The following GASK1A variants were observed in gnomAD, a reference collection of about 807,000 sequenced individuals.
GASK1A encodes Golgi-associated kinase 1A.
In GASK1A, 40 loss-of-function variants were observed where a neutral mutation model predicts 41.2. The ratio of observed to expected loss-of-function variants is 0.97; its 90% confidence interval spans 0.75 to 1.27. The LOEUF is 1.27. Ranked by LOEUF, GASK1A falls within the 50% of genes most tolerant of loss-of-function variation. The pLI, the probability that GASK1A is intolerant of heterozygous loss-of-function variation, is 0.00. For synonymous variants in GASK1A, 316 were observed against 307.1 expected (o/e 1.03, Z -0.30); for missense variants, 678 against 745.1 (o/e 0.91, Z 1.05).
intron 2 of GASK1A, among the ~76,000 whole-genome samples, chr3:43,043,964 G>A (rs1467707715): frequency 6.6e-6 from 1 of 152,206 alleles, no homozygotes; most frequent in Non-Finnish European, 1.5e-5. Flanking sequence ...ACTGGCAAGT[G>A]TGCCAGCCAA....
At chr3:43,039,204 G>GTTTTTTTTT (rs548862246) in intron 2 of GASK1A, among the ~76,000 whole-genome samples, 2 of 136,550 alleles carry the variant, frequency 1.5e-5, no homozygotes, top group Admixed American at 7.4e-5. Context: ...TTTTTTTTTT[G>GTTTTTTTTT]GTTTTTTTTT....
Position 43,056,326 on chromosome 3 carries a change from G to C in GASK1A, c.1668G>C (p.Gln556His), listed in dbSNP as rs1450574186. The change falls in exon 5 of 5, where the codon CAG (glutamine) becomes CAC (histidine). Residue 556 changes from glutamine to histidine, a missense_variant. Transcript: ENST00000430121. ...TCCAGACCCTGGAGCAGCGAGGACA[G>C]GTGCTGCTGGGACACATCCAAAAGC... ...QVLQTLEQRG[Q>H]VLLGHIQKHN... The C allele has an allele frequency of 1.9e-6, 3 of 1,551,462 alleles. No individual in the cohort carries two copies. The East Asian group carries it at 7.3e-5, about 38-fold the overall frequency.
At chr3:43,037,386 A>C (rs2089609788) in intron 2 of GASK1A, 3 of 962,994 alleles carry the variant, frequency 3.1e-6, no homozygotes, top group African/African-American at 3.2e-5. Flanking sequence ...AAATGCACTA[A>C]GTACAGACAG....
At chr3:43,055,362 C>T (rs1387960155) in intron 3 of GASK1A, 70 bp from the exon 4 acceptor site, 3 of 1,146,102 alleles carry the variant, frequency 2.6e-6, no homozygotes, top group Non-Finnish European at 3.8e-6. Context: ...TTAATCTTGA[C>T]CAAGTCCATA....
intron 1 of GASK1A, among the ~76,000 whole-genome samples, chr3:42,989,576 A>G (rs1294997828): frequency 6.6e-6 from 1 of 151,786 alleles, no homozygotes; most frequent in African/African-American, 2.4e-5. Context: ...TGTAAGAGCA[A>G]TACCTGTTTA....
chr3:42,993,647 T>G (rs745839308), intron 1 of GASK1A, among the ~76,000 whole-genome samples: 3 of 152,172 alleles, frequency 2.0e-5, no homozygotes, highest in Non-Finnish European at 4.4e-5. Flanking sequence ...TAGATATTCA[T>G]CAATGTGATC....
intron 1 of GASK1A, among the ~76,000 whole-genome samples, chr3:42,999,433 CT>C (rs2089396732): frequency 6.6e-6 from 1 of 152,210 alleles, no homozygotes; most frequent in South Asian, 2.1e-4. Context: ...GCCTGCCTCC[CT>C]GCTGTTTCTC....
At chr3:43,039,205 G>GTTTTTT (rs1329284553) in intron 2 of GASK1A, among the ~76,000 whole-genome samples, 2 of 125,762 alleles carry the variant, frequency 1.6e-5, no homozygotes, top group Non-Finnish European at 3.4e-5. Context: ...TTTTTTTTTG[G>GTTTTTT]TTTTTTTTTT....
At chr3:42,999,128 A>G (rs2089392957) in intron 1 of GASK1A, among the ~76,000 whole-genome samples, 1 of 151,738 alleles carries the variant, frequency 6.6e-6, no homozygotes, top group Non-Finnish European at 1.5e-5. Context: ...CCTTGTACTA[A>G]TGGGTTCCAA....
intron 3 of GASK1A, chr3:43,054,061 G>GA (rs1358282290): frequency 3.0e-6 from 1 of 333,136 alleles, no homozygotes; most frequent in Non-Finnish European, 5.9e-6. Flanking sequence ...ATGAACCCAA[G>GA]ACTGCAGTGG....
In GASK1A at chr3:42,979,617, G is replaced by A. The variant is rs1488467420; in HGVS notation, c.-26G>A. 4 of 1,242,758 alleles carry A rather than the reference G, an allele frequency of 3.2e-6. No homozygotes were observed. The African/African-American group carries it at 6.2e-5, about 19-fold the overall frequency. 77.0% of individuals were successfully genotyped at this position (1,242,758 alleles called of 1,614,324 possible). A position where few individuals can be genotyped will look rare whatever the true frequency, so the allele number is the denominator to read the frequency against. On this transcript the variant is annotated 5_prime_UTR_variant, in exon 1 of 5. Coordinates refer to ENST00000430121, the MANE Select transcript of GASK1A (RefSeq NM_001129908.3). The stretch of plus-strand genomic sequence containing the variant: ...CTGCGAGCCGGCTGAGCGCGCCGAG[G>A]AGCCGGCCGGGGCACCGCCGGGGAC...
chr3:43,020,314 T>C lies in GASK1A; in HGVS notation c.4-11953T>C, dbSNP rs543832712. On this transcript the variant is annotated intron_variant, in intron 1 of 4. Transcript: ENST00000430121. ...TCAAGCTGTCTCTGTGCAAAGTCCATTTGTATTCAACGTTTTCAGAAAAGT... is the reference window on the plus strand; with the variant it reads ...TCAAGCTGTCTCTGTGCAAAGTCCACTTGTATTCAACGTTTTCAGAAAAGT... 1.0e-3 allele frequency among the ~76,000 whole-genome samples: 158 copies of C among 152,344 alleles called. 1 individual carries two copies. The highest frequency in any genetic ancestry group is 6.8e-3 in the Middle Eastern group (2 of 294).
chr3:43,005,702 G>T (rs978434943), intron 1 of GASK1A, among the ~76,000 whole-genome samples: 1 of 152,118 alleles, frequency 6.6e-6, no homozygotes, highest in Non-Finnish European at 1.5e-5. Context: ...AAAAAAAATC[G>T]TAGGCTGGGG....
chr3:43,039,350 C>T (rs2089624071), intron 2 of GASK1A, among the ~76,000 whole-genome samples: 1 of 151,806 alleles, frequency 6.6e-6, no homozygotes. Context: ...TTACAGGCAC[C>T]CACCACCACA....
chr3:43,054,721 C>T (rs2089707908), intron 3 of GASK1A, among the ~76,000 whole-genome samples: 1 of 152,192 alleles, frequency 6.6e-6, no homozygotes, highest in African/African-American at 2.4e-5. Flanking sequence ...CCATTCGCAA[C>T]CACACCATAT....
intron 1 of GASK1A, among the ~76,000 whole-genome samples, chr3:43,000,328 C>T (rs1265518031): frequency 1.3e-5 from 2 of 152,216 alleles, no homozygotes. Context: ...CTACCACTTC[C>T]AGAGTTAGGG....
intron 2 of GASK1A, among the ~76,000 whole-genome samples, chr3:43,052,289 G>A (rs533383351): frequency 1.3e-5 from 2 of 152,280 alleles, no homozygotes; most frequent in African/African-American, 4.8e-5. Context: ...CACAAGGGCG[G>A]CAGCTTCACT....
intron 2 of GASK1A, among the ~76,000 whole-genome samples, chr3:43,043,207 C>T (rs910994983): frequency 3.9e-5 from 6 of 152,160 alleles, no homozygotes; most frequent in Admixed American, 6.5e-5. Flanking sequence ...TGTGACTGCT[C>T]CCAGTTTGGG....
At chr3:43,004,121 G>A (rs943993643) in intron 1 of GASK1A, among the ~76,000 whole-genome samples, 4 of 152,172 alleles carry the variant, frequency 2.6e-5, no homozygotes, top group Non-Finnish European at 5.9e-5. Flanking sequence ...CAGGCTTCAG[G>A]TGTTTGGGAG....
Sources: gnomAD v4.1 joint callset for allele counts (sites outside exome capture counted in the v4.1 genomes callset) on GRCh38, gnomAD v4.1.1 for gene constraint, MANE v1.5 for transcripts, NCBI Gene and HGNC (gene_info 2026-07-23, HGNC 2026-07-21) for gene names.